Variants in EIF2AK1 observed in about 807,000 individuals in gnomAD.
EIF2AK1 encodes the protein eukaryotic translation initiation factor 2 alpha kinase 1, also known as eukaryotic translation initiation factor 2-alpha kinase 1.
In EIF2AK1, 54 loss-of-function variants were observed where a neutral mutation model predicts 77.9. The ratio of observed to expected loss-of-function variants is 0.69; its 90% CI spans 0.56 to 0.87. The LOEUF (loss-of-function observed/expected upper bound fraction) is 0.87. Ranked by LOEUF, EIF2AK1 falls within the 40% of genes least tolerant of loss-of-function variation. The pLI, the probability that EIF2AK1 is intolerant of heterozygous loss-of-function variation, is 0.00. For missense variants in EIF2AK1, 810 were observed against 768.6 expected (o/e 1.05, Z -0.64); for synonymous variants, 314 against 290.5 (o/e 1.08, Z -0.82).
In EIF2AK1 at chr7:6,035,114, C is replaced by T. The variant is rs1298272862; in HGVS notation, c.1332+2310G>A. Among the ~76,000 whole-genome samples, 2 of 152,124 alleles carry T rather than the reference C, an allele frequency of 1.3e-5. No individual in the cohort carries two copies. The highest frequency in any genetic ancestry group is 2.4e-5 in the African/African-American group (1 of 41,482). On this transcript the variant is annotated intron_variant, in intron 11 of 14. Coordinates refer to ENST00000199389, the MANE Select transcript of EIF2AK1 (RefSeq NM_014413.4). This position sits in a 1 kb window ranked among gnomAD's most constrained non-coding sequence, Gnocchi z 5.5. ...CAGCCTTGAAGGGACACAGCCCTAG[C>T]GGGGACGGCACAGGTAAAACAGGCT...
At position 6,023,805 on chromosome 7, in the gene EIF2AK1, C is replaced by G. The variant is rs780898963; in HGVS notation, c.*868G>C. 6.3e-6 allele frequency: 10 copies of G among 1,582,082 alleles called. No homozygotes were observed. The highest frequency in any genetic ancestry group is 8.6e-6 in the Non-Finnish European group (10 of 1,162,514). On this transcript the variant is annotated 3_prime_UTR_variant, in exon 15 of 15. Coordinates refer to ENST00000199389, the MANE Select transcript of EIF2AK1 (RefSeq NM_014413.4). The stretch of plus-strand genomic sequence containing the variant: ...GAGTCTTTTTATTTAGGCCAGTTGT[C>G]AAGTGTCAATAAAAGCATCATGTAA...
Position 6,023,611 on chromosome 7 carries a change from G to A in EIF2AK1, c.*1062C>T, listed in dbSNP as rs749107344. On this transcript the variant is annotated 3_prime_UTR_variant, in exon 15 of 15. Transcript: ENST00000199389. ...GCAGATCGGAGGCTGCAGTGTGACA[G>A]TGCCAGCCAATGTGCAGAGGTGGAT... 10 of 1,614,240 alleles carry A rather than the reference G, an allele frequency of 6.2e-6. No individual in the cohort carries two copies. In the South Asian group the frequency reaches 1.1e-4, roughly 18 times the overall value.
intron 13 of EIF2AK1, chr7:6,028,178 A>G (rs555125039): frequency 1.3e-4 from 40 of 318,708 alleles, no homozygotes; most frequent in South Asian, 1.0e-3. Flanking sequence ...AGTTTGATCC[A>G]GTTAATTATC....
chr7:6,054,168 C>G (rs1788685016), intron 2 of EIF2AK1, among the ~76,000 whole-genome samples: 1 of 151,692 alleles, frequency 6.6e-6, no homozygotes, highest in Admixed American at 6.6e-5. Context: ...TTTTACCTCC[C>G]ATGAATAAGT....
rs1468270187 is a variant in EIF2AK1, at chr7:6,027,665, TTAC to T, written c.1531-707_1531-705del. Among the ~76,000 whole-genome samples, 1 of 152,038 alleles carries T rather than the reference TTAC, an allele frequency of 6.6e-6. No individual in the cohort carries two copies. The highest frequency in any genetic ancestry group is 1.5e-5 in the Non-Finnish European group (1 of 68,008). The stretch of plus-strand genomic sequence containing the variant: ...GGGCAGGCTTCCCCTTGGTGTTTAT[TTAC>T]CAAAGCTTGAAAAAAACCAATGAGA... On this transcript the variant is annotated intron_variant, in intron 13 of 14. Coordinates refer to ENST00000199389, the MANE Select transcript of EIF2AK1 (RefSeq NM_014413.4). The surrounding 1 kb of genome is among the most constrained non-coding windows in gnomAD (Gnocchi z 4.5).
chr7:6,029,231 G>A lies in EIF2AK1; in HGVS notation c.1333-199C>T, dbSNP rs540492413. Among the ~76,000 whole-genome samples, 3 of 152,300 alleles carry A rather than the reference G, an allele frequency of 2.0e-5. No individual in the cohort carries two copies. The South Asian group carries it at 6.2e-4, about 32-fold the overall frequency. ...ATCTCAACATCTGGCCGGGTGCAGTGGCTCATGCCTGTAATCCCAGCACTT... is the reference window on the plus strand; with the variant it reads ...ATCTCAACATCTGGCCGGGTGCAGTAGCTCATGCCTGTAATCCCAGCACTT... On this transcript the variant is annotated intron_variant, in intron 11 of 14. Transcript: ENST00000199389.
chr7:6,053,312 T>C (rs766072576), intron 2 of EIF2AK1, among the ~76,000 whole-genome samples: 2 of 152,208 alleles, frequency 1.3e-5, no homozygotes, highest in Non-Finnish European at 2.9e-5. Flanking sequence ...ATCCATCATC[T>C]AAAGCATTTA....
rs544541228 is a variant in EIF2AK1, at chr7:6,035,864, T to C, written c.1332+1560A>G. 1.3e-5 allele frequency: 20 copies of C among 1,547,716 alleles called. No homozygotes were observed. The highest frequency in any genetic ancestry group is 6.1e-6 in the Non-Finnish European group (7 of 1,145,004). On this transcript the variant is annotated intron_variant, in intron 11 of 14. Coordinates refer to ENST00000199389, the MANE Select transcript of EIF2AK1 (RefSeq NM_014413.4). This position sits in a 1 kb window ranked among gnomAD's most constrained non-coding sequence, Gnocchi z 5.5. ...CGCCCCTGAAGCTTGCAGTGTGCAC[T>C]GCATCAAGCAAAGCAGGCCGACTCC...
intron 8 of EIF2AK1, among the ~76,000 whole-genome samples, chr7:6,042,643 C>T (rs1025884794): frequency 6.6e-6 from 1 of 151,780 alleles, no homozygotes; most frequent in Non-Finnish European, 1.5e-5. Context: ...GAGGTGGGCA[C>T]ATCACGAGGC....
chr7:6,059,145 T>G lies in EIF2AK1; in HGVS notation c.-62A>C. ...CCAGCCCAGCACTGCCACACTCCGA[T>G]GCTGCAGCTAGCGCCGTCCGACCCG... On this transcript the variant is annotated 5_prime_UTR_variant, in exon 1 of 15. Transcript: ENST00000199389. 1 of 1,147,566 alleles carries G rather than the reference T, an allele frequency of 8.7e-7. No homozygotes were observed. Among genetic ancestry groups the G allele is most frequent in the Non-Finnish European group, 1.1e-6 (1 of 876,666 alleles). The allele number at this position is 1,147,566 out of a possible 1,614,324, so 71.1% of individuals were successfully genotyped here.
rs780913693 is a variant in EIF2AK1 at position 6,041,095 on chromosome 7, T to A, written c.916A>T (p.Lys306Ter). Residue 306 changes from lysine (K) to a stop codon, truncating the protein, a stop_gained, in exon 9 of 15, where the codon AAG (lysine) becomes TAG (stop). Coordinates refer to ENST00000199389, the MANE Select transcript of EIF2AK1 (RefSeq NM_014413.4). LOFTEE classifies it high-confidence loss of function. ...DTENQNNKSV[K>*]YTTNLVIRES... ...CTTATGACTAAATTGGTGGTGTACT[T>A]CACCGACTTGTTATTCTGATTTTCA... is the stretch of plus-strand genomic sequence containing the variant. 2 of 1,614,136 alleles carry A rather than the reference T, an allele frequency of 1.2e-6. No individual in the cohort carries two copies. Among genetic ancestry groups the A allele is most frequent in the Non-Finnish European group, 1.7e-6 (2 of 1,180,030 alleles).
intron 10 of EIF2AK1, 81 bp from the exon 11 acceptor site, chr7:6,037,605 A>G: frequency 1.2e-6 from 1 of 816,142 alleles, no homozygotes; most frequent in Non-Finnish European, 2.1e-6. Flanking sequence ...GTCATTCTAA[A>G]TACATTAACA....
chr7:6,048,193 T>C (rs1273813305), intron 4 of EIF2AK1, among the ~76,000 whole-genome samples: 1 of 152,116 alleles, frequency 6.6e-6, no homozygotes, highest in Non-Finnish European at 1.5e-5. Flanking sequence ...TTCAGAATAT[T>C]TTCATCACCC....
Position 6,024,194 on chromosome 7 carries a change from GC to G in EIF2AK1, c.*478del. The stretch of plus-strand genomic sequence containing the variant: ...AAGAAGTTGAGCTTTTATCTTAGAG[GC>G]AGCAGAAGGTTTGGAGCCAAGGAAT... On this transcript the variant is annotated 3_prime_UTR_variant, in exon 15 of 15. Transcript: ENST00000199389. 1 of 1,250,374 alleles carries G rather than the reference GC, an allele frequency of 8.0e-7. No individual in the cohort carries two copies. The highest frequency in any genetic ancestry group is 5.7e-5 in the East Asian group (1 of 17,634). 77.5% of individuals were successfully genotyped at this position (1,250,374 alleles called of 1,614,324 possible). A position where few individuals can be genotyped will look rare whatever the true frequency, so the allele number is the denominator to read the frequency against.
At chr7:6,057,606 A>G (rs1196586903) in intron 1 of EIF2AK1, 1 of 152,076 alleles carries the variant, frequency 6.6e-6, no homozygotes, top group Admixed American at 6.6e-5. Context: ...CATAAAAAAA[A>G]AAAAAAGAAA....
At position 6,042,925 on chromosome 7, in the gene EIF2AK1, G is replaced by C. The variant is rs1013724256; in HGVS notation, c.791+8C>G. On this transcript the variant is annotated splice_region_variant and intron_variant, in intron 8 of 14. Transcript: ENST00000199389. The stretch of plus-strand genomic sequence containing the variant: ...AGAGGTAATGTCCTAATATGTAAAA[G>C]GACATACCTGTCCTCTTCCTGGTCG... 9.9e-6 allele frequency: 16 copies of C among 1,612,684 alleles called. No individual in the cohort carries two copies. The highest frequency in any genetic ancestry group is 1.2e-5 in the Non-Finnish European group (14 of 1,179,002).
chr7:6,031,401 G>C, intron 11 of EIF2AK1: 1 of 1,550,760 alleles, frequency 6.4e-7, no homozygotes, highest in African/African-American at 1.4e-5. Flanking sequence ...AGGAAAGGAA[G>C]CAGAGACCTG....
intron 3 of EIF2AK1, 117 bp downstream of exon 3, chr7:6,049,788 GGCCTAGA>G (rs1240478778): frequency 1.1e-6 from 1 of 940,400 alleles, no homozygotes; most frequent in Admixed American, 2.8e-5. Flanking sequence ...CACCATGCCT[GGCCTAGA>G]GTTTATACTT....
At position 6,035,553 on chromosome 7, in the gene EIF2AK1, C is replaced by G. The variant is rs1489706869; in HGVS notation, c.1332+1871G>C. 6.4e-7 allele frequency: 1 copy of G among 1,551,194 alleles called. No individual in the cohort carries two copies. Among genetic ancestry groups the G allele is most frequent in the African/African-American group, 1.4e-5 (1 of 73,140 alleles). On this transcript the variant is annotated intron_variant, in intron 11 of 14. Transcript: ENST00000199389. The surrounding 1 kb of genome is among the most constrained non-coding windows in gnomAD (Gnocchi z 5.5). Reference sequence around the variant, plus strand: ...AACGCACAGGATCCTGACAGACATTCAGAATAGCAGCATCACATGTCTCCG... The same window carrying G: ...AACGCACAGGATCCTGACAGACATTGAGAATAGCAGCATCACATGTCTCCG...
Sources: gnomAD v4.1 joint callset for allele counts (sites outside exome capture counted in the v4.1 genomes callset) on GRCh38, gnomAD v4.1.1 for gene constraint, Gnocchi (gnomAD v3.1) non-coding constraint, MANE v1.5 for transcripts, NCBI Gene and HGNC (gene_info 2026-07-23, HGNC 2026-07-21) for gene names.